The following MKLN1 variants were observed in gnomAD, a reference collection of about 807,000 sequenced individuals.
The protein encoded by MKLN1 is muskelin 1, also known as muskelin.
Under a neutral mutation model 99.0 loss-of-function variants are expected in MKLN1, and 18 were observed. The observed-to-expected ratio is 0.18, with a 90% CI of 0.13 to 0.27. The LOEUF is 0.27. Ranked by LOEUF, MKLN1 falls within the 10% of genes least tolerant of loss-of-function variation. MKLN1 has a pLI of 1.00. For synonymous variants in MKLN1, 288 were observed against 293.2 expected (o/e 0.98, Z 0.18); for missense variants, 621 against 875.9 (o/e 0.71, Z 3.67).
At chr7:131,408,791 A>G (rs965301111) in intron 6 of MKLN1, among the ~76,000 whole-genome samples, 15 of 152,130 alleles carry the variant, frequency 9.9e-5, no homozygotes, top group African/African-American at 3.6e-4. Context: ...AGTATCCACT[A>G]TTATTGGAGA....
chr7:131,301,129 CT>C (rs1373770118), intron 3 of MKLN1, among the ~76,000 whole-genome samples: 1 of 152,194 alleles, frequency 6.6e-6, no homozygotes, highest in Non-Finnish European at 1.5e-5. Flanking sequence ...GGCCCCACCC[CT>C]AATATGTAAT....
intron 1 of MKLN1, among the ~76,000 whole-genome samples, chr7:131,122,893 C>G (rs924608522): frequency 9.9e-5 from 15 of 151,686 alleles, no homozygotes; most frequent in East Asian, 7.7e-4. Flanking sequence ...TGTGGTGGCC[C>G]GCGCCTGTAG....
At chr7:131,448,043 G>A (rs1391444705) in intron 12 of MKLN1, among the ~76,000 whole-genome samples, 4 of 152,078 alleles carry the variant, frequency 2.6e-5, no homozygotes, top group African/African-American at 2.4e-5. Context: ...CCTGGCTAAC[G>A]TGGTGAAACC....
Position 131,297,413 on chromosome 7 carries a change from C to CTGTGTGTG in MKLN1, c.-178-78003_-178-77996dup, listed in dbSNP as rs148107325. Among the ~76,000 whole-genome samples the CTGTGTGTG allele has an allele frequency of 9.2e-4, 137 of 149,326 alleles. 1 individual carries two copies. Among genetic ancestry groups the CTGTGTGTG allele is most frequent in the Middle Eastern group, 3.5e-3 (1 of 288 alleles). ...GTGTGTATATATATACACAAATACTCTGTGTGTGTGTGTGTACATACACAC... is the reference window on the plus strand; with the variant it reads ...GTGTGTATATATATACACAAATACTCTGTGTGTGTGTGTGTGTGTGTGTACATACACAC... On this transcript the variant is annotated intron_variant, in intron 3 of 7. Transcript: ENST00000416992.
At chr7:131,190,305 C>T (rs941997266) in intron 2 of MKLN1, among the ~76,000 whole-genome samples, 1 of 152,026 alleles carries the variant, frequency 6.6e-6, no homozygotes, top group Non-Finnish European at 1.5e-5. Flanking sequence ...ACATTCCTTC[C>T]TTCCTGCAGA....
chr7:131,201,466 A>G (rs1796727186), intron 2 of MKLN1, among the ~76,000 whole-genome samples: 3 of 152,226 alleles, frequency 2.0e-5, no homozygotes, highest in South Asian at 4.1e-4. Flanking sequence ...ACAATATGCA[A>G]TTCTTAGCAG....
intron 3 of MKLN1, among the ~76,000 whole-genome samples, chr7:131,312,664 G>A (rs938771028): frequency 9.9e-5 from 15 of 151,990 alleles, no homozygotes; most frequent in South Asian, 8.3e-4. Context: ...CCCCTCTTAC[G>A]TAAAGGAAAA....
intron 3 of MKLN1, among the ~76,000 whole-genome samples, chr7:131,313,500 T>C (rs1798608002): frequency 6.6e-6 from 1 of 152,208 alleles, no homozygotes; most frequent in African/African-American, 2.4e-5. Context: ...AACTGTACCT[T>C]TGTAAATGGA....
At chr7:131,349,905 T>C (rs1799670518) in intron 1 of MKLN1, among the ~76,000 whole-genome samples, 1 of 152,190 alleles carries the variant, frequency 6.6e-6, no homozygotes, top group African/African-American at 2.4e-5. Flanking sequence ...TTCATTCTTG[T>C]GGAGTATGTT....
At chr7:131,242,519 G>A (rs1797420299) in intron 3 of MKLN1, 1 of 283,476 alleles carries the variant, frequency 3.5e-6, no homozygotes. Flanking sequence ...CTGGGTGACA[G>A]AGTGTGACCC....
At chr7:131,188,540 G>A (rs913654325) in intron 2 of MKLN1, among the ~76,000 whole-genome samples, 2 of 152,152 alleles carry the variant, frequency 1.3e-5, no homozygotes, top group African/African-American at 2.4e-5. Flanking sequence ...GGACTTGTTC[G>A]CATAGCCCTG....
chr7:131,114,771 C>T (rs1045019135), intron 1 of MKLN1, among the ~76,000 whole-genome samples: 2 of 151,944 alleles, frequency 1.3e-5, no homozygotes, highest in Non-Finnish European at 2.9e-5. Context: ...TATGGCAAAA[C>T]CCCATCTCTA....
At chr7:131,204,009 G>GA (rs879512702) in intron 3 of MKLN1, among the ~76,000 whole-genome samples, 2 of 152,078 alleles carry the variant, frequency 1.3e-5, no homozygotes, top group African/African-American at 2.4e-5. Flanking sequence ...ACTTACCTAG[G>GA]ACCAATACAG....
chr7:131,264,444 C>T (rs1451417946), intron 3 of MKLN1, among the ~76,000 whole-genome samples: 1 of 152,136 alleles, frequency 6.6e-6, no homozygotes, highest in Non-Finnish European at 1.5e-5. Flanking sequence ...CTTTTAGCTA[C>T]TATACACTGA....
chr7:131,249,937 A>G (rs11772664), intron 3 of MKLN1, among the ~76,000 whole-genome samples: 89,395 of 152,010 alleles, frequency 0.59, 26,849 homozygotes, highest in Admixed American at 0.7. Flanking sequence ...ACTTTCTGTC[A>G]GGGAAGGAGA....
chr7:131,330,323 AT>A (rs991876529), intron 1 of MKLN1, among the ~76,000 whole-genome samples: 5 of 152,238 alleles, frequency 3.3e-5, no homozygotes, highest in Non-Finnish European at 7.3e-5. Flanking sequence ...AGTGGCAAAT[AT>A]TTGTTGGCAT....
At chr7:131,286,904 G>A (rs1427778206) in intron 3 of MKLN1, among the ~76,000 whole-genome samples, 1 of 152,194 alleles carries the variant, frequency 6.6e-6, no homozygotes, top group African/African-American at 2.4e-5. Flanking sequence ...CCAGGAGTTT[G>A]AGACCAGCCT....
chr7:131,129,821 C>G (rs1309515363), intron 1 of MKLN1, among the ~76,000 whole-genome samples: 1 of 152,152 alleles, frequency 6.6e-6, no homozygotes, highest in Non-Finnish European at 1.5e-5. Flanking sequence ...AGGGATCATC[C>G]TGCCTCGGCC....
chr7:131,236,821 C>T (rs1214840768), intron 3 of MKLN1, among the ~76,000 whole-genome samples: 1 of 151,542 alleles, frequency 6.6e-6, no homozygotes, highest in African/African-American at 2.4e-5. Flanking sequence ...CCTGTCTCTA[C>T]ATAAAATATT....
Sources: allele counts gnomAD v4.1 joint callset (sites outside exome capture counted in the v4.1 genomes callset), GRCh38; gene constraint gnomAD v4.1.1; transcripts MANE v1.5; gene names NCBI Gene and HGNC (gene_info 2026-07-23, HGNC 2026-07-21).